The following TMEM132C variants were observed in gnomAD, a reference collection of about 807,000 sequenced individuals.
The protein encoded by TMEM132C is transmembrane protein 132C.
TMEM132C carries 29 observed loss-of-function variants against 61.4 expected under a neutral mutation model. The observed-to-expected ratio is 0.47, with a 90% CI of 0.35 to 0.64. TMEM132C has a LOEUF of 0.64. Among genes scored for constraint, TMEM132C ranks in the 30% least tolerant of loss-of-function variants. TMEM132C has a pLI of 0.00. For synonymous variants in TMEM132C, 656 were observed against 633.1 expected, an observed-to-expected ratio of 1.04 and a Z score of -0.54; for missense variants, 1,408 against 1,476.9, an observed-to-expected ratio of 0.95 and a Z score of 0.76.
intron 1 of TMEM132C, among the ~76,000 whole-genome samples, chr12:128,363,390 C>T (rs571402273): frequency 3.3e-5 from 5 of 152,320 alleles, no homozygotes; most frequent in Non-Finnish European, 7.3e-5. Context: ...GGGATAATCA[C>T]TGGAACATGA....
chr12:128,333,592 G>A (rs1048065529), intron 1 of TMEM132C, among the ~76,000 whole-genome samples: 4 of 138,684 alleles, frequency 2.9e-5, no homozygotes, highest in Non-Finnish European at 5.9e-5. Context: ...AATGTGTGAT[G>A]TTGTGTGTAT....
At chr12:128,567,429 GACACACACACACACACACACACACAC>G (rs140541188) in intron 3 of TMEM132C, among the ~76,000 whole-genome samples, 2 of 136,236 alleles carry the variant, frequency 1.5e-5, no homozygotes, top group African/African-American at 5.1e-5. Context: ...CATACCCATA[GACACACACACACACACACACACACAC>G]ACACACACAC....
intron 4 of TMEM132C, among the ~76,000 whole-genome samples, chr12:128,653,728 G>A (rs1339647858): frequency 1.3e-5 from 2 of 152,230 alleles, no homozygotes; most frequent in East Asian, 1.9e-4. Context: ...AGAAATGCCT[G>A]GAACAGCACC....
intron 2 of TMEM132C, among the ~76,000 whole-genome samples, chr12:128,453,922 A>G (rs1197814818): frequency 6.6e-6 from 1 of 152,228 alleles, no homozygotes; most frequent in Non-Finnish European, 1.5e-5. Context: ...AAATCCCAGT[A>G]TGGGGAGAGA....
At chr12:128,600,387 A>G (rs1876141715) in intron 3 of TMEM132C, among the ~76,000 whole-genome samples, 1 of 152,110 alleles carries the variant, frequency 6.6e-6, no homozygotes, top group South Asian at 2.1e-4. Flanking sequence ...CCATGATTGT[A>G]AGTTTCCTGA....
At position 128,415,289 on chromosome 12, in the gene TMEM132C, A is replaced by G; in HGVS notation, c.643A>G (p.Lys215Glu). ...TGCCCCGACGGTGGGTGCCGGGAGG[A>G]AGAAGTCCATGGACCAGCCGGAGGG... Reference protein sequence around the residue: ...FSAPTVGAGRKKSMDQPEGTP... With the variant: ...FSAPTVGAGREKSMDQPEGTP... The change falls in exon 2 of 9, where the codon AAG becomes GAG. Residue 215 changes from lysine to glutamate, a missense_variant. Transcript: ENST00000435159. This position sits in a 1 kb window ranked among gnomAD's most constrained non-coding sequence, Gnocchi z 5.8. 6.3e-7 allele frequency: 1 copy of G among 1,597,834 alleles called. No individual in the cohort carries two copies.
chr12:128,443,803 G>T (rs1415092163), intron 2 of TMEM132C, among the ~76,000 whole-genome samples: 1 of 152,148 alleles, frequency 6.6e-6, no homozygotes, highest in Non-Finnish European at 1.5e-5. Flanking sequence ...CCTTTGTATT[G>T]CTGTTCCAGC....
In TMEM132C at chr12:128,697,235, A is replaced by G. The variant is rs370944126; in HGVS notation, c.1941A>G (p.Pro647=). The stretch of plus-strand genomic sequence containing the variant: ...TGCCAATCCCACAGGTGTTGTCTCC[A>G]CTGTCTGACTCCATCCTGGCAGAGA... The part of the protein sequence containing the change: ...VGMTTIQVLS[P]LSDSILAEKT... The change falls in exon 8 of 9, where the codon CCA becomes CCG. Residue 647 remains proline, a synonymous_variant. Transcript: ENST00000435159. 130 of 1,518,132 alleles carry G rather than the reference A, an allele frequency of 8.6e-5. No homozygotes were observed. The African/African-American group carries it at 1.4e-3, about 16-fold the overall frequency. The allele number at this position is 1,518,132 out of a possible 1,614,324, so 94.0% of individuals were successfully genotyped here.
At chr12:128,382,383 C>T (rs1432503135) in intron 1 of TMEM132C, among the ~76,000 whole-genome samples, 3 of 152,132 alleles carry the variant, frequency 2.0e-5, no homozygotes, top group African/African-American at 7.2e-5. Context: ...ATCGAGATAG[C>T]GCTGACTGAT....
chr12:128,340,843 TTCTC>T (rs769730520), intron 1 of TMEM132C, among the ~76,000 whole-genome samples: 18 of 130,260 alleles, frequency 1.4e-4, no homozygotes, highest in African/African-American at 3.5e-4. Flanking sequence ...CTCTCTCTCT[TTCTC>T]TCTTTCTTTC....
At chr12:128,620,109 G>A (rs1256142408) in intron 4 of TMEM132C, among the ~76,000 whole-genome samples, 1 of 151,748 alleles carries the variant, frequency 6.6e-6, no homozygotes, top group East Asian at 1.9e-4. Flanking sequence ...GCACACACCT[G>A]TAGACCCAGC....
chr12:128,270,044 T>G (rs1870459114), intron 1 of TMEM132C, among the ~76,000 whole-genome samples: 1 of 152,190 alleles, frequency 6.6e-6, no homozygotes, highest in Admixed American at 6.5e-5. Flanking sequence ...TTTCCTAAGA[T>G]TTAAGACTTG....
intron 4 of TMEM132C, among the ~76,000 whole-genome samples, chr12:128,666,519 T>C (rs1004502487): frequency 2.0e-5 from 3 of 152,206 alleles, no homozygotes; most frequent in Admixed American, 1.3e-4. Context: ...GTCGAAAAGA[T>C]AGATGACATA....
intron 2 of TMEM132C, among the ~76,000 whole-genome samples, chr12:128,450,084 C>A (rs1315086230): frequency 1.3e-5 from 2 of 152,196 alleles, no homozygotes; most frequent in African/African-American, 4.8e-5. Flanking sequence ...CAGAGCTAGC[C>A]AGTCAAACAT....
chr12:128,382,715 T>C (rs539826014), intron 1 of TMEM132C, among the ~76,000 whole-genome samples: 11 of 152,290 alleles, frequency 7.2e-5, no homozygotes, highest in African/African-American at 2.6e-4. Context: ...TTCTTTTACA[T>C]AAATAAATAC....
Position 128,706,496 on chromosome 12 carries a change from G to A in TMEM132C, c.*201G>A, listed in dbSNP as rs1253899158. On this transcript the variant is annotated 3_prime_UTR_variant, in exon 9 of 9. Transcript: ENST00000435159. The stretch of plus-strand genomic sequence containing the variant: ...AGTTAATGGTGGTGGATTTTTAAAG[G>A]TCAGGGGAATAAAGTCTGGGGCATG... 1.5e-6 allele frequency: 1 copy of A among 661,166 alleles called. No individual in the cohort carries two copies. Among genetic ancestry groups the A allele is most frequent in the Admixed American group, 3.6e-5 (1 of 27,840 alleles). 41.0% of individuals were successfully genotyped at this position (661,166 alleles called of 1,614,324 possible). A position where few individuals can be genotyped will look rare whatever the true frequency, so the allele number is the denominator to read the frequency against.
chr12:128,368,911 ACT>A lies in TMEM132C; in HGVS notation c.86-45818_86-45817del. Among the ~76,000 whole-genome samples the A allele has an allele frequency of 1.3e-5, 2 of 152,062 alleles. 1 individual carries two copies. Among genetic ancestry groups the A allele is most frequent in the Admixed American group, 1.3e-4 (2 of 15,270 alleles). On this transcript the variant is annotated intron_variant, in intron 1 of 8. Coordinates refer to ENST00000435159, the MANE Select transcript of TMEM132C (RefSeq NM_001136103.3). ...TTGGGGAACTGAACTCGCCCCTGAG[ACT>A]CTAGAGAATTCCCTGAGATCACTAG...
chr12:128,558,110 G>A (rs904940792), intron 3 of TMEM132C, among the ~76,000 whole-genome samples: 1 of 152,222 alleles, frequency 6.6e-6, no homozygotes, highest in African/African-American at 2.4e-5. Context: ...AGTATATGAG[G>A]GGTGCCCACC....
At chr12:128,551,798 G>A (rs75669319) in intron 3 of TMEM132C, among the ~76,000 whole-genome samples, 3,883 of 152,184 alleles carry the variant, frequency 0.026, 186 homozygotes, top group African/African-American at 0.089. Flanking sequence ...CCAGGTGTCC[G>A]GGTGAGTCTG....
Sources: allele counts gnomAD v4.1 joint callset (sites outside exome capture counted in the v4.1 genomes callset), GRCh38; gene constraint gnomAD v4.1.1; non-coding constraint Gnocchi (gnomAD v3.1); transcripts MANE v1.5; gene names NCBI Gene and HGNC (gene_info 2026-07-23, HGNC 2026-07-21).